LIN52: variants seen among roughly 807,000 people sequenced by gnomAD.
The protein encoded by LIN52 is lin-52 DREAM MuvB core complex component, also known as protein lin-52 homolog.
Under a neutral mutation model 18.5 loss-of-function variants are expected in LIN52, and 4 were observed. That is an observed-to-expected ratio of 0.22 (90% confidence interval 0.11 to 0.49). The LOEUF (loss-of-function observed/expected upper bound fraction) is 0.49. Ranked by LOEUF, LIN52 falls within the 20% of genes least tolerant of loss-of-function variation. LIN52 has a pLI of 0.97. For missense variants in LIN52, 102 were observed against 139.5 expected, an observed-to-expected ratio of 0.73 and a Z score of 1.35; for synonymous variants, 34 against 45.5, an observed-to-expected ratio of 0.75 and a Z score of 1.02.
In LIN52 at chr14:74,165,513, C is replaced by CTTTTTTTTTT. The variant is rs71460962; in HGVS notation, c.284-33403_284-33394dup. Among the ~76,000 whole-genome samples the CTTTTTTTTTT allele has an allele frequency of 4.4e-4, 48 of 110,222 alleles. 5 individuals are homozygous for CTTTTTTTTTT. Among genetic ancestry groups the CTTTTTTTTTT allele is most frequent in the Admixed American group, 7.7e-4 (8 of 10,444 alleles). 72.3% of individuals were successfully genotyped at this position (110,222 alleles called of 152,430 possible). The stretch of plus-strand genomic sequence containing the variant: ...AATGGAGAATTACAGGTTTTCTTTT[C>CTTTTTTTTTT]TTTTTTTTTTTTTTTGAGACAGAGT... On this transcript the variant is annotated intron_variant, in intron 5 of 5. Transcript: ENST00000555028.
intron 5 of LIN52, among the ~76,000 whole-genome samples, chr14:74,197,861 C>G (rs1214073627): frequency 1.3e-5 from 2 of 152,178 alleles, no homozygotes; most frequent in Non-Finnish European, 2.9e-5. Flanking sequence ...TCATCTAGCT[C>G]CATTTGCTCT....
At position 74,146,260 on chromosome 14, in the gene LIN52, C is replaced by T. The variant is rs145600816; in HGVS notation, c.283+45022C>T. On this transcript the variant is annotated intron_variant, in intron 5 of 5. Coordinates refer to ENST00000555028, the MANE Select transcript of LIN52 (RefSeq NM_001024674.3). ...ATACTTGTTAAAACGTTCCCACACA[C>T]GGCTGGATACATTATGGAACTATTC... 1.2e-4 allele frequency among the ~76,000 whole-genome samples: 19 copies of T among 152,282 alleles called. No homozygotes were observed. The East Asian group carries it at 2.7e-3, about 22-fold the overall frequency.
At chr14:74,135,648 G>T (rs1037009494) in intron 5 of LIN52, among the ~76,000 whole-genome samples, 1 of 152,112 alleles carries the variant, frequency 6.6e-6, no homozygotes, top group Non-Finnish European at 1.5e-5. Context: ...GGTTAAAATT[G>T]TTGCAAGAAT....
At chr14:74,151,262 A>G (rs955024657) in intron 5 of LIN52, among the ~76,000 whole-genome samples, 4 of 152,194 alleles carry the variant, frequency 2.6e-5, no homozygotes, top group African/African-American at 7.2e-5. Flanking sequence ...ATTTTTTTCC[A>G]TATGTGGTAT....
At chr14:74,128,357 C>A (rs1230301402) in intron 5 of LIN52, among the ~76,000 whole-genome samples, 4 of 152,072 alleles carry the variant, frequency 2.6e-5, no homozygotes, top group African/African-American at 9.7e-5. Context: ...GAGGGTCCTC[C>A]TGGAGTATTT....
intron 5 of LIN52, among the ~76,000 whole-genome samples, chr14:74,121,470 C>T (rs7152050): frequency 0.51 from 77,471 of 152,066 alleles, 20,369 homozygotes; most frequent in East Asian, 0.89. Context: ...TTCTAAGATA[C>T]TTTAATGCAT....
Position 74,140,289 on chromosome 14 carries a change from C to A in LIN52, c.283+39051C>A, listed in dbSNP as rs543115356. On this transcript the variant is annotated intron_variant, in intron 5 of 5. Coordinates refer to ENST00000555028, the MANE Select transcript of LIN52 (RefSeq NM_001024674.3). ...TTGCCCTAGTTATGGTGACTGGATT[C>A]TCATCCTCTCAGTAGGATCAATATT... 2.0e-5 allele frequency among the ~76,000 whole-genome samples: 3 copies of A among 152,282 alleles called. 1 individual carries two copies. Among genetic ancestry groups the A allele is most frequent in the African/African-American group, 7.2e-5 (3 of 41,558 alleles).
intron 5 of LIN52, among the ~76,000 whole-genome samples, chr14:74,194,331 A>C (rs2078897484): frequency 6.6e-6 from 1 of 152,358 alleles, no homozygotes; most frequent in African/African-American, 2.4e-5. Context: ...GTGAGCCAGA[A>C]GCAAGGCTAA....
intron 5 of LIN52, among the ~76,000 whole-genome samples, chr14:74,152,119 C>T (rs1312297454): frequency 1.3e-5 from 2 of 151,978 alleles, no homozygotes; most frequent in Non-Finnish European, 2.9e-5. Context: ...AAAAATTAGC[C>T]TGACATGATG....
intron 5 of LIN52, among the ~76,000 whole-genome samples, chr14:74,111,097 G>A (rs992535284): frequency 1.3e-5 from 2 of 152,130 alleles, no homozygotes; most frequent in African/African-American, 4.8e-5. Context: ...AAGAAAAACT[G>A]CTTTCAAGAA....
intron 5 of LIN52, among the ~76,000 whole-genome samples, chr14:74,128,561 G>C (rs2061040837): frequency 6.6e-6 from 1 of 152,152 alleles, no homozygotes; most frequent in Non-Finnish European, 1.5e-5. Context: ...CTGTAGTGTG[G>C]AATACATCTG....
At position 74,116,120 on chromosome 14, in the gene LIN52, T is replaced by C. The variant is rs370164139; in HGVS notation, c.283+14882T>C. The stretch of plus-strand genomic sequence containing the variant: ...GAGTTTGAGACCACCCTGGCCAACA[T>C]GGTGAAACCCTGTCTCTACTAAAAA... On this transcript the variant is annotated intron_variant, in intron 5 of 5. Coordinates refer to ENST00000555028, the MANE Select transcript of LIN52 (RefSeq NM_001024674.3). Among the ~76,000 whole-genome samples, 45 of 152,206 alleles carry C rather than the reference T, an allele frequency of 3.0e-4. No individual in the cohort carries two copies. The East Asian group carries it at 5.8e-3, about 20-fold the overall frequency.
chr14:74,130,279 T>TTTTTTTTTTG (rs1555382576), intron 5 of LIN52, among the ~76,000 whole-genome samples: 1 of 58,682 alleles, frequency 1.7e-5, no homozygotes, highest in South Asian at 8.2e-4. Flanking sequence ...CATTTTTTGG[T>TTTTTTTTTTG]TTTTTTTTTT....
intron 5 of LIN52, among the ~76,000 whole-genome samples, chr14:74,157,139 TCTC>T (rs1477409220): frequency 1.3e-5 from 2 of 150,926 alleles, no homozygotes; most frequent in Non-Finnish European, 1.5e-5. Flanking sequence ...TTCAAGCAAT[TCTC>T]CTGCCTCAGC....
chr14:74,143,094 C>T (rs561177078), intron 5 of LIN52, among the ~76,000 whole-genome samples: 4 of 151,828 alleles, frequency 2.6e-5, no homozygotes, highest in African/African-American at 9.7e-5. Context: ...GAAGCTAGGA[C>T]AAGCGGGATG....
chr14:74,169,569 C>G (rs1244592737), intron 5 of LIN52, among the ~76,000 whole-genome samples: 1 of 152,200 alleles, frequency 6.6e-6, no homozygotes, highest in Non-Finnish European at 1.5e-5. Context: ...GTAGAATTCT[C>G]CCATCTCTCT....
chr14:74,186,224 G>A (rs1013993662), intron 5 of LIN52, among the ~76,000 whole-genome samples: 5 of 151,720 alleles, frequency 3.3e-5, no homozygotes, highest in African/African-American at 1.2e-4. Context: ...CCCAGGAGGC[G>A]GAGGCTGCAG....
intron 2 of LIN52, among the ~76,000 whole-genome samples, chr14:74,091,907 A>C (rs1358005709): frequency 6.6e-6 from 1 of 152,090 alleles, no homozygotes; most frequent in Non-Finnish European, 1.5e-5. Flanking sequence ...AGTGTTAAGA[A>C]TAGCTGTTTG....
At chr14:74,177,159 C>T (rs955504436) in intron 5 of LIN52, among the ~76,000 whole-genome samples, 13 of 151,990 alleles carry the variant, frequency 8.6e-5, no homozygotes, top group African/African-American at 2.9e-4. Flanking sequence ...TCACCACACC[C>T]GGCTAATTTT....
Sources: gnomAD v4.1 joint callset for allele counts (sites outside exome capture counted in the v4.1 genomes callset) on GRCh38, gnomAD v4.1.1 for gene constraint, MANE v1.5 for transcripts, NCBI Gene and HGNC (gene_info 2026-07-23, HGNC 2026-07-21) for gene names.